Variants in CDYL observed in about 807,000 individuals in gnomAD.
CDYL encodes the protein chromodomain Y-like protein.
CDYL carries 8 observed loss-of-function variants against 47.3 expected under a neutral mutation model. The ratio of observed to expected loss-of-function variants is 0.17; its 90% confidence interval spans 0.10 to 0.31. CDYL has a LOEUF of 0.31. Ranked by LOEUF, CDYL falls within the 10% of genes least tolerant of loss-of-function variation. The pLI is 1.00. For missense variants in CDYL, 471 were observed against 701.4 expected (o/e 0.67, Z 3.71); for synonymous variants, 266 against 265.0 (o/e 1.00, Z -0.04).
At chr6:4,777,756 GGGATCCTTT>G (rs2127428732) in intron 1 of CDYL, among the ~76,000 whole-genome samples, 1 of 152,306 alleles carries the variant, frequency 6.6e-6, no homozygotes, top group Admixed American at 6.5e-5. Context: ...TGTGGCCCCA[GGGATCCTTT>G]CAGTTGTCTT....
intron 1 of CDYL, among the ~76,000 whole-genome samples, chr6:4,788,480 C>CAAAA (rs1220969716): frequency 0.012 from 704 of 61,020 alleles, 44 homozygotes; most frequent in African/African-American, 0.048. Context: ...GAGACTCTGT[C>CAAAA]AAAAAAAAAA....
chr6:4,753,854 C>T (rs1264877817), intron 3 of CDYL, among the ~76,000 whole-genome samples: 1 of 152,120 alleles, frequency 6.6e-6, no homozygotes. Flanking sequence ...TTTGCTCTGG[C>T]CACTAGGAAA....
At chr6:4,794,510 A>G (rs75513435) in intron 1 of CDYL, among the ~76,000 whole-genome samples, 2,841 of 152,216 alleles carry the variant, frequency 0.019, 102 homozygotes, top group African/African-American at 0.065. Context: ...AGTGCCGGGC[A>G]GGCTCCGGGG....
intron 2 of CDYL, among the ~76,000 whole-genome samples, chr6:4,719,843 A>G (rs1338179404): frequency 9.2e-5 from 14 of 152,158 alleles, no homozygotes. Flanking sequence ...ACTTTCCCCA[A>G]AATACCTTCT....
intron 1 of CDYL, among the ~76,000 whole-genome samples, chr6:4,844,368 A>G (rs923268722): frequency 6.6e-6 from 1 of 152,088 alleles, no homozygotes; most frequent in African/African-American, 2.4e-5. Context: ...CCGGGAGATT[A>G]TGTCCTTTGT....
At chr6:4,819,432 G>T (rs1008630383) in intron 1 of CDYL, among the ~76,000 whole-genome samples, 3 of 152,064 alleles carry the variant, frequency 2.0e-5, no homozygotes, top group African/African-American at 7.2e-5. Flanking sequence ...TTAAAAATTT[G>T]TCATGTCTAC....
At position 4,954,249 on chromosome 6, in the gene CDYL, A is replaced by G. The variant is rs1344966600; in HGVS notation, c.*193A>G. 1.3e-5 allele frequency: 7 copies of G among 519,104 alleles called. No individual in the cohort carries two copies. Among genetic ancestry groups the G allele is most frequent in the African/African-American group, 1.1e-4 (6 of 52,752 alleles). The allele number at this position is 519,104 out of a possible 1,614,324, so 32.2% of individuals were successfully genotyped here. Reference sequence around the variant, plus strand: ...TACTGTAACTTTAAAATAAATAACTACAAAGCTTCTTTGTCCAAACGTCAT... The same window carrying G: ...TACTGTAACTTTAAAATAAATAACTGCAAAGCTTCTTTGTCCAAACGTCAT... On this transcript the variant is annotated 3_prime_UTR_variant, in exon 7 of 7. Transcript: ENST00000397588.
At chr6:4,933,357 A>G (rs934589491) in intron 2 of CDYL, among the ~76,000 whole-genome samples, 1 of 152,132 alleles carries the variant, frequency 6.6e-6, no homozygotes, top group Admixed American at 6.5e-5. Flanking sequence ...CTCCTCCCTC[A>G]GCAACTCCAG....
chr6:4,734,963 G>T, intron 3 of CDYL: 1 of 1,464,390 alleles, frequency 6.8e-7, no homozygotes, highest in South Asian at 1.4e-5. Flanking sequence ...GGGTCCCTTT[G>T]GTGGTCTGGT....
intron 3 of CDYL, among the ~76,000 whole-genome samples, chr6:4,735,257 T>C (rs1448772339): frequency 2.0e-5 from 3 of 150,678 alleles, no homozygotes; most frequent in African/African-American, 7.3e-5. Flanking sequence ...ATCGTTGCAC[T>C]CTAGCCTGGG....
intron 1 of CDYL, among the ~76,000 whole-genome samples, chr6:4,817,021 G>A (rs1250580033): frequency 6.6e-6 from 1 of 152,154 alleles, no homozygotes; most frequent in Non-Finnish European, 1.5e-5. Context: ...TAAGTCATGA[G>A]CATTTCCTGA....
chr6:4,820,128 A>T (rs563160715), intron 1 of CDYL, among the ~76,000 whole-genome samples: 35 of 152,326 alleles, frequency 2.3e-4, no homozygotes, highest in Admixed American at 1.6e-3. Context: ...AGATGCACAG[A>T]GAGCTCTTAG....
intron 3 of CDYL, among the ~76,000 whole-genome samples, chr6:4,752,796 C>T (rs1269630370): frequency 6.6e-6 from 1 of 151,222 alleles, no homozygotes; most frequent in East Asian, 2.0e-4. Flanking sequence ...ACCCTGGGAG[C>T]TTGCAATGGA....
chr6:4,787,792 A>T (rs113149602), intron 1 of CDYL, among the ~76,000 whole-genome samples: 3,428 of 38,560 alleles, frequency 0.089, 83 homozygotes, highest in Middle Eastern at 0.14. Flanking sequence ...TTTTTTTGGG[A>T]GACAGAGTCT....
rs58457972 is a variant in CDYL at position 4,925,409 on chromosome 6, C to CTTTTTT, written c.692-10091_692-10086dup. Among the ~76,000 whole-genome samples the CTTTTTT allele has an allele frequency of 1.7e-4, 19 of 109,296 alleles. 1 individual carries two copies. The highest frequency in any genetic ancestry group is 3.0e-4 in the South Asian group (1 of 3,280). 71.7% of individuals were successfully genotyped at this position (109,296 alleles called of 152,430 possible). ...CTCATTACAGGAGCTATTCTTTTTT[C>CTTTTTT]TTTTTTTTTTTTTTTTTTTTGAGAC... On this transcript the variant is annotated intron_variant, in intron 2 of 6. Transcript: ENST00000397588.
At chr6:4,732,211 T>G (rs1042874419) in intron 2 of CDYL, among the ~76,000 whole-genome samples, 2 of 152,086 alleles carry the variant, frequency 1.3e-5, no homozygotes, top group Non-Finnish European at 2.9e-5. Context: ...GGTGCATGCT[T>G]GTAGTTCCAG....
intron 4 of CDYL, among the ~76,000 whole-genome samples, chr6:4,938,225 T>C (rs1197367495): frequency 7.6e-6 from 1 of 131,664 alleles, no homozygotes; most frequent in South Asian, 2.4e-4. Flanking sequence ...TTTTTGGTTT[T>C]TTTTGTTGTT....
At chr6:4,945,058 A>G (rs1044683954) in intron 5 of CDYL, among the ~76,000 whole-genome samples, 1 of 152,152 alleles carries the variant, frequency 6.6e-6, no homozygotes, top group Non-Finnish European at 1.5e-5. Flanking sequence ...AAGACTGAGG[A>G]ACCGTCTCAG....
At chr6:4,722,643 A>G (rs191092325) in intron 2 of CDYL, among the ~76,000 whole-genome samples, 1 of 152,264 alleles carries the variant, frequency 6.6e-6, no homozygotes, top group East Asian at 1.9e-4. Flanking sequence ...TTGGGAGGCC[A>G]TGGCAGGTAG....
Sources: gnomAD v4.1 joint callset for allele counts (sites outside exome capture counted in the v4.1 genomes callset) on GRCh38, gnomAD v4.1.1 for gene constraint, MANE v1.5 for transcripts, NCBI Gene and HGNC (gene_info 2026-07-23, HGNC 2026-07-21) for gene names.